ZMAT4: variants seen among roughly 807,000 people sequenced by gnomAD.
ZMAT4 encodes the protein zinc finger matrin-type 4, also known as zinc finger matrin-type protein 4.
In ZMAT4, 17 loss-of-function variants were observed where a neutral mutation model predicts 28.7. The ratio of observed to expected loss-of-function variants is 0.59; its 90% CI spans 0.41 to 0.89. ZMAT4 has a LOEUF of 0.89. ZMAT4 is among the 40% of genes least tolerant of loss of function. The probability of loss-of-function intolerance (pLI) is 0.00; values close to 1 mark genes in which losing one functional copy is unlikely to be tolerated. For synonymous variants in ZMAT4, 117 were observed against 109.2 expected, an observed-to-expected ratio of 1.07 and a Z score of -0.44; for missense variants, 240 against 283.8, an observed-to-expected ratio of 0.85 and a Z score of 1.11.
intron 6 of ZMAT4, among the ~76,000 whole-genome samples, chr8:40,578,230 G>A (rs1180997860): frequency 6.6e-6 from 1 of 152,056 alleles, no homozygotes. Context: ...ACACATGTAT[G>A]TAAATCACCT....
chr8:40,877,819 C>T (rs952262103), intron 1 of ZMAT4, among the ~76,000 whole-genome samples: 4 of 152,096 alleles, frequency 2.6e-5, no homozygotes, highest in African/African-American at 9.7e-5. Context: ...AGCATTATAG[C>T]TGCTGTTTGG....
intron 3 of ZMAT4, among the ~76,000 whole-genome samples, chr8:40,766,674 C>A (rs1435949472): frequency 6.6e-6 from 1 of 152,200 alleles, no homozygotes; most frequent in Non-Finnish European, 1.5e-5. Flanking sequence ...AAGAGGCATG[C>A]TTAGAATTTG....
chr8:40,681,196 A>G (rs956676206), intron 4 of ZMAT4, among the ~76,000 whole-genome samples: 2 of 152,180 alleles, frequency 1.3e-5, no homozygotes, highest in African/African-American at 4.8e-5. Flanking sequence ...CCCATATTTC[A>G]ATGTCAACTC....
At chr8:40,826,486 C>A (rs1816048935) in intron 1 of ZMAT4, among the ~76,000 whole-genome samples, 1 of 152,120 alleles carries the variant, frequency 6.6e-6, no homozygotes, top group Admixed American at 6.5e-5. Context: ...TTTTCTTCAA[C>A]AATCACATAT....
At chr8:40,742,617 G>T (rs1470452437) in intron 3 of ZMAT4, among the ~76,000 whole-genome samples, 1 of 152,024 alleles carries the variant, frequency 6.6e-6, no homozygotes, top group African/African-American at 2.4e-5. Flanking sequence ...ATTCAAAGGT[G>T]CCTCCCTCCA....
intron 3 of ZMAT4, among the ~76,000 whole-genome samples, chr8:40,714,685 G>A (rs1347474543): frequency 2.0e-5 from 3 of 152,154 alleles, no homozygotes; most frequent in Non-Finnish European, 4.4e-5. Context: ...TAAGTAAAAT[G>A]TAGAATACAT....
intron 2 of ZMAT4, among the ~76,000 whole-genome samples, chr8:40,770,157 C>T (rs147088017): frequency 2.0e-5 from 3 of 152,220 alleles, no homozygotes; most frequent in Non-Finnish European, 4.4e-5. Flanking sequence ...CGGAGGCATC[C>T]TAGTTCATTA....
chr8:40,859,942 G>T (rs560815551), intron 1 of ZMAT4, among the ~76,000 whole-genome samples: 1 of 152,164 alleles, frequency 6.6e-6, no homozygotes, highest in African/African-American at 2.4e-5. Context: ...GTCGAGGTTA[G>T]GCTGAAGGAA....
intron 3 of ZMAT4, among the ~76,000 whole-genome samples, chr8:40,756,457 T>TATATATATATATATAC (rs1278110013): frequency 9.7e-5 from 11 of 113,294 alleles, no homozygotes; most frequent in Admixed American, 2.8e-4. Context: ...TATATATATA[T>TATATATATATATATAC]ACACACTTGT....
intron 6 of ZMAT4, among the ~76,000 whole-genome samples, chr8:40,537,866 T>C (rs1036116990): frequency 7.9e-5 from 12 of 152,158 alleles, no homozygotes; most frequent in Non-Finnish European, 8.8e-5. Flanking sequence ...CTCCATTATT[T>C]GGGTGACTCC....
At chr8:40,620,018 A>T (rs1383971279) in intron 5 of ZMAT4, among the ~76,000 whole-genome samples, 1 of 152,208 alleles carries the variant, frequency 6.6e-6, no homozygotes, top group African/African-American at 2.4e-5. Context: ...AGCTCCATAA[A>T]TGCAAGGATC....
chr8:40,679,706 G>A (rs1196133968), intron 4 of ZMAT4, among the ~76,000 whole-genome samples: 1 of 152,068 alleles, frequency 6.6e-6, no homozygotes, highest in African/African-American at 2.4e-5. Flanking sequence ...ATGAGATTTG[G>A]GTGGGGACAC....
At chr8:40,661,453 T>C (rs1470322753) in intron 5 of ZMAT4, among the ~76,000 whole-genome samples, 2 of 152,188 alleles carry the variant, frequency 1.3e-5, no homozygotes, top group African/African-American at 2.4e-5. Flanking sequence ...CGTCAATAGG[T>C]ATGTTCTACT....
At chr8:40,689,577 C>T (rs959444125) in intron 4 of ZMAT4, among the ~76,000 whole-genome samples, 6 of 152,066 alleles carry the variant, frequency 3.9e-5, no homozygotes, top group African/African-American at 1.4e-4. Flanking sequence ...ACATTTACTA[C>T]CCATTATTTC....
intron 2 of ZMAT4, among the ~76,000 whole-genome samples, chr8:40,795,718 A>T (rs1459934716): frequency 6.6e-6 from 1 of 152,212 alleles, no homozygotes; most frequent in East Asian, 1.9e-4. Flanking sequence ...AATGTTGCAT[A>T]TAAAAATTTC....
At chr8:40,862,130 T>C (rs995223554) in intron 1 of ZMAT4, among the ~76,000 whole-genome samples, 65 of 91,658 alleles carry the variant, frequency 7.1e-4, no homozygotes, top group African/African-American at 1.5e-3. Flanking sequence ...CGTATGTTTA[T>C]TGCGGCACTA....
chr8:40,832,081 C>T (rs1414236949), intron 1 of ZMAT4, among the ~76,000 whole-genome samples: 4 of 152,184 alleles, frequency 2.6e-5, no homozygotes, highest in African/African-American at 9.7e-5. Flanking sequence ...CCTGTGCCCA[C>T]GGCCTTCACC....
intron 2 of ZMAT4, among the ~76,000 whole-genome samples, chr8:40,782,620 A>G (rs1813886673): frequency 1.3e-5 from 2 of 152,204 alleles, no homozygotes; most frequent in Non-Finnish European, 2.9e-5. Flanking sequence ...AGTGGTAAAG[A>G]TAGATTTCAT....
At chr8:40,690,726 T>C (rs1809623379) in intron 4 of ZMAT4, among the ~76,000 whole-genome samples, 1 of 152,206 alleles carries the variant, frequency 6.6e-6, no homozygotes, top group Admixed American at 6.5e-5. Context: ...TGATCTTTAC[T>C]TATTCAACAG....
Sources: allele counts gnomAD v4.1 joint callset (sites outside exome capture counted in the v4.1 genomes callset), GRCh38; gene constraint gnomAD v4.1.1; transcripts MANE v1.5; gene names NCBI Gene and HGNC (gene_info 2026-07-23, HGNC 2026-07-21).